The following ADGRL3 variants were observed in gnomAD, a reference collection of about 807,000 sequenced individuals.
ADGRL3 encodes the protein calcium-independent alpha-latrotoxin receptor 3.
ADGRL3 carries 62 observed loss-of-function variants against 153.5 expected under a neutral mutation model. The observed-to-expected ratio is 0.40, with a 90% CI of 0.33 to 0.50. ADGRL3 has a LOEUF of 0.50. Among genes scored for constraint, ADGRL3 ranks in the 20% least tolerant of loss-of-function variants. The pLI, the probability that ADGRL3 is intolerant of heterozygous loss-of-function variation, is 0.47. For missense variants in ADGRL3, 1,641 were observed against 1,859.4 expected (o/e 0.88, Z 2.16); for synonymous variants, 710 against 672.5 (o/e 1.06, Z -0.86).
chr4:61,321,422 G>T (rs931874235), intron 1 of ADGRL3, among the ~76,000 whole-genome samples: 3 of 151,904 alleles, frequency 2.0e-5, no homozygotes, highest in Non-Finnish European at 4.4e-5. Flanking sequence ...GATTCAATAA[G>T]TTGAATTACC....
chr4:61,382,852 T>A (rs2096687086), intron 1 of ADGRL3, among the ~76,000 whole-genome samples: 1 of 151,940 alleles, frequency 6.6e-6, no homozygotes, highest in Admixed American at 6.6e-5. Context: ...ACTGTTATAG[T>A]CTTTTAATTA....
intron 5 of ADGRL3, among the ~76,000 whole-genome samples, chr4:61,647,097 T>C (rs1249462882): frequency 6.6e-6 from 1 of 152,140 alleles, no homozygotes; most frequent in African/African-American, 2.4e-5. Flanking sequence ...TGACCCCTTG[T>C]GCTTCCCGAG....
chr4:61,253,536 G>T (rs2091663648), intron 1 of ADGRL3, among the ~76,000 whole-genome samples: 1 of 152,200 alleles, frequency 6.6e-6, no homozygotes, highest in African/African-American at 2.4e-5. Flanking sequence ...AGGAATTGTT[G>T]TCTGATTTCC....
At chr4:61,670,199 CAGG>C (rs1476618060) in intron 5 of ADGRL3, among the ~76,000 whole-genome samples, 3 of 152,064 alleles carry the variant, frequency 2.0e-5, no homozygotes, top group Non-Finnish European at 4.4e-5. Context: ...GAGGCTGAGG[CAGG>C]AGAATCTCTT....
intron 2 of ADGRL3, among the ~76,000 whole-genome samples, chr4:61,495,630 T>C (rs942740994): frequency 6.6e-6 from 1 of 152,138 alleles, no homozygotes; most frequent in Non-Finnish European, 1.5e-5. Context: ...TTGGATTATG[T>C]TTCTTTAGTA....
intron 9 of ADGRL3, among the ~76,000 whole-genome samples, chr4:61,823,261 TC>T (rs1156421454): frequency 6.6e-6 from 1 of 152,208 alleles, no homozygotes; most frequent in East Asian, 1.9e-4. Context: ...GTTTTTTTGT[TC>T]TGAAAAAATA....
chr4:61,366,176 T>C (rs924869304), intron 1 of ADGRL3, among the ~76,000 whole-genome samples: 1 of 152,222 alleles, frequency 6.6e-6, no homozygotes, highest in Non-Finnish European at 1.5e-5. Flanking sequence ...TGCTTTCTTT[T>C]AAAATAAGCA....
chr4:61,910,689 T>C (rs944985086), intron 12 of ADGRL3, among the ~76,000 whole-genome samples: 15 of 151,610 alleles, frequency 9.9e-5, no homozygotes, highest in Non-Finnish European at 1.8e-4. Context: ...GAATTTGACA[T>C]TGCCAGACTA....
At chr4:61,297,844 T>C (rs1032769921) in intron 1 of ADGRL3, among the ~76,000 whole-genome samples, 11 of 151,854 alleles carry the variant, frequency 7.2e-5, no homozygotes, top group Admixed American at 3.3e-4. Context: ...ACCACCACCA[T>C]CATCACCATC....
At chr4:61,522,674 T>C (rs2152924525) in intron 4 of ADGRL3, among the ~76,000 whole-genome samples, 1 of 152,234 alleles carries the variant, frequency 6.6e-6, no homozygotes, top group East Asian at 1.9e-4. Context: ...TCATTCACAC[T>C]GGGCTAAATG....
Position 61,364,531 on chromosome 4 carries a change from A to G in ADGRL3, c.-239-18593A>G, listed in dbSNP as rs186048921. On this transcript the variant is annotated intron_variant, in intron 1 of 26. Coordinates refer to ENST00000683033, the MANE Select transcript of ADGRL3 (RefSeq NM_001387552.1). ...AACATTGGCCTTACTTTTTTAAAAT[A>G]TTTATTTATACAACTTTCTTCCACA... 7.1e-3 allele frequency among the ~76,000 whole-genome samples: 1,079 copies of G among 152,170 alleles called. 17 individuals are homozygous for G. The highest frequency in any genetic ancestry group is 7.9e-3 in the Non-Finnish European group (539 of 67,996).
intron 8 of ADGRL3, among the ~76,000 whole-genome samples, chr4:61,798,479 C>T (rs892779662): frequency 6.6e-6 from 1 of 152,114 alleles, no homozygotes; most frequent in African/African-American, 2.4e-5. Context: ...ATGTGTGAAA[C>T]AAAATCATCT....
At chr4:61,281,787 C>T (rs1198197880) in intron 1 of ADGRL3, among the ~76,000 whole-genome samples, 1 of 152,034 alleles carries the variant, frequency 6.6e-6, no homozygotes, top group Non-Finnish European at 1.5e-5. Context: ...TTTATTTAGA[C>T]AAAACCATAA....
At chr4:61,224,068 CA>C (rs1746828327) in intron 1 of ADGRL3, among the ~76,000 whole-genome samples, 1 of 151,582 alleles carries the variant, frequency 6.6e-6, no homozygotes. Flanking sequence ...TTTTCATTTT[CA>C]AAAATAATAC....
intron 18 of ADGRL3, among the ~76,000 whole-genome samples, chr4:61,982,351 G>A (rs137904576): frequency 1.3e-5 from 2 of 152,162 alleles, no homozygotes; most frequent in African/African-American, 4.8e-5. Flanking sequence ...ACTCCACATA[G>A]TGTTTAGGAC....
chr4:61,392,891 A>G (rs1258769458), intron 2 of ADGRL3, among the ~76,000 whole-genome samples: 1 of 151,874 alleles, frequency 6.6e-6, no homozygotes, highest in African/African-American at 2.4e-5. Flanking sequence ...TGAACCAAAT[A>G]AACACTAAAA....
Position 61,477,792 on chromosome 4 carries a change from G to T in ADGRL3, c.-173-19329G>T, listed in dbSNP as rs1190037011. 2.0e-5 allele frequency among the ~76,000 whole-genome samples: 3 copies of T among 152,068 alleles called. No individual in the cohort carries two copies. The East Asian group carries it at 5.8e-4, about 29-fold the overall frequency. On this transcript the variant is annotated intron_variant, in intron 2 of 26. Transcript: ENST00000683033. The stretch of plus-strand genomic sequence containing the variant: ...GTCTTTATCTCTATTATTTTTAAAA[G>T]CTGTAGCTATTTTGACACTGTATAT...
chr4:61,684,584 T>C (rs957609172), intron 6 of ADGRL3, among the ~76,000 whole-genome samples: 2 of 152,062 alleles, frequency 1.3e-5, no homozygotes, highest in African/African-American at 4.8e-5. Flanking sequence ...GAGCAAAGAC[T>C]GCAGGGTAGT....
At position 61,775,910 on chromosome 4, in the gene ADGRL3, TA is replaced by T. The variant is rs200752714; in HGVS notation, c.1400-37898del. ...TTATTTATTTATTTATTTATTTATT[TA>T]TTTTTTTGAGACGGAGTCTCACTCT... On this transcript the variant is annotated intron_variant, in intron 8 of 26. Coordinates refer to ENST00000683033, the MANE Select transcript of ADGRL3 (RefSeq NM_001387552.1). The T allele has an allele frequency of 3.8e-3, 880 of 229,184 alleles. 6 individuals carry two copies. Among genetic ancestry groups the T allele is most frequent in the Middle Eastern group, 0.017 (11 of 634 alleles). The allele number at this position is 229,184 out of a possible 1,614,324, so 14.2% of individuals were successfully genotyped here. A position where few individuals can be genotyped will look rare whatever the true frequency, so the allele number is the denominator to read the frequency against.
Sources: gnomAD v4.1 joint callset for allele counts (sites outside exome capture counted in the v4.1 genomes callset) on GRCh38, gnomAD v4.1.1 for gene constraint, MANE v1.5 for transcripts, NCBI Gene and HGNC (gene_info 2026-07-23, HGNC 2026-07-21) for gene names.